The following BAHCC1 variants were observed in gnomAD, a reference collection of about 807,000 sequenced individuals.
BAHCC1 encodes BAH and coiled-coil domain-containing protein 1.
A neutral mutation model predicts 88.2 loss-of-function variants in BAHCC1; 43 were observed. The ratio of observed to expected loss-of-function variants is 0.49; its 90% CI spans 0.38 to 0.63. The LOEUF is 0.63. Ranked by LOEUF, BAHCC1 falls within the 20% of genes least tolerant of loss-of-function variation. The pLI, the probability that BAHCC1 is intolerant of heterozygous loss-of-function variation, is 0.00. For synonymous variants in BAHCC1, 1,510 were observed against 745.5 expected, an observed-to-expected ratio of 2.03 and a Z score of -16.71; for missense variants, 3,023 against 1,654.8, an observed-to-expected ratio of 1.83 and a Z score of -14.34.
intron 23 of BAHCC1, among the ~76,000 whole-genome samples, chr17:81,459,968 T>A (rs1412525551): frequency 6.6e-6 from 1 of 152,018 alleles, no homozygotes; most frequent in African/African-American, 2.4e-5. Context: ...CACAGGCAAG[T>A]GGCCAGGTGG....
At chr17:81,449,464 C>T (rs1555655306) in intron 11 of BAHCC1, among the ~76,000 whole-genome samples, 1 of 152,210 alleles carries the variant, frequency 6.6e-6, no homozygotes, top group African/African-American at 2.4e-5. Flanking sequence ...AAAGCCCCCA[C>T]CATCGGGGCC....
At chr17:81,439,881 C>A (rs1555652237) in intron 4 of BAHCC1, among the ~76,000 whole-genome samples, 1 of 152,126 alleles carries the variant, frequency 6.6e-6, no homozygotes, top group Non-Finnish European at 1.5e-5. Flanking sequence ...GTCTGCCCAC[C>A]CTCTCTTGGC....
rs1555659133 is a variant in BAHCC1 at position 81,461,100 on chromosome 17, C to T, written c.6437C>T (p.Thr2146Ile). 3 of 767,724 alleles carry T rather than the reference C, an allele frequency of 3.9e-6. No individual in the cohort carries two copies. Among genetic ancestry groups the T allele is most frequent in the Non-Finnish European group, 7.2e-6 (3 of 416,966 alleles). The allele number at this position is 767,724 out of a possible 1,614,324, so 47.6% of individuals were successfully genotyped here. A position where few individuals can be genotyped will look rare whatever the true frequency, so the allele number is the denominator to read the frequency against. Residue 2146 changes from threonine to isoleucine, a missense_variant, in exon 26 of 28, where the codon ACA becomes ATA. Thr to Ile is a moderately conservative substitution (Grantham distance 89, BLOSUM62 -1). Coordinates refer to ENST00000675386, the MANE Select transcript of BAHCC1 (RefSeq NM_001377448.1). ...CTGTTCCCCGTGCACAGCGTGGCCA[C>T]ACCCATATTTGGCAACGGCTTCCGC... Reference protein sequence around the residue: ...EALFPVHSVATPIFGNGFRAD... With the variant: ...EALFPVHSVAIPIFGNGFRAD...
In BAHCC1 at chr17:81,441,966, G is replaced by T; in HGVS notation, c.617G>T (p.Gly206Val). The T allele has an allele frequency of 1.3e-6, 1 of 752,082 alleles. No homozygotes were observed. The highest frequency in any genetic ancestry group is 1.7e-5 in the Admixed American group (1 of 57,426). The allele number at this position is 752,082 out of a possible 1,614,324, so 46.6% of individuals were successfully genotyped here. Residue 206 changes from glycine (G) to valine (V), a missense_variant, in exon 5 of 28, where the codon GGC becomes GTC. Physicochemically the swap from Gly to Val is moderately radical, Grantham distance 109 (BLOSUM62 -3). Coordinates refer to ENST00000675386, the MANE Select transcript of BAHCC1 (RefSeq NM_001377448.1). ...CGGGATCGAGACCGGGGTGAGGCAG[G>T]CTCCCTGCAGAAGGGCCCCAAGGAC... ...CSRDRDRGEAGSLQKGPKDFD... is the reference protein window; with the variant it reads ...CSRDRDRGEAVSLQKGPKDFD...
intron 3 of BAHCC1, among the ~76,000 whole-genome samples, chr17:81,428,312 A>G (rs1365402405): frequency 6.6e-6 from 1 of 152,186 alleles, no homozygotes; most frequent in African/African-American, 2.4e-5. Flanking sequence ...GGCCAGCCAC[A>G]GCATCTGGCT....
At chr17:81,412,377 G>A (rs1181058141) in intron 2 of BAHCC1, among the ~76,000 whole-genome samples, 4 of 152,262 alleles carry the variant, frequency 2.6e-5, no homozygotes, top group Non-Finnish European at 5.9e-5. Flanking sequence ...AGCCCTTAGT[G>A]TGTGTAAATA....
At chr17:81,420,549 TG>T (rs1186824567) in intron 2 of BAHCC1, among the ~76,000 whole-genome samples, 18 of 152,338 alleles carry the variant, frequency 1.2e-4, no homozygotes, top group African/African-American at 4.1e-4. Flanking sequence ...CTGAGCCACC[TG>T]GGGGTGGCCA....
Position 81,457,429 on chromosome 17 carries a change from G to C in BAHCC1, c.4878G>C (p.Glu1626Asp), listed in dbSNP as rs2064769642. 2 of 771,498 alleles carry C rather than the reference G, an allele frequency of 2.6e-6. No individual in the cohort carries two copies. Among genetic ancestry groups the C allele is most frequent in the East Asian group, 4.9e-5 (2 of 40,956 alleles). 47.8% of individuals were successfully genotyped at this position (771,498 alleles called of 1,614,324 possible). A position where few individuals can be genotyped will look rare whatever the true frequency, so the allele number is the denominator to read the frequency against. Residue 1626 changes from glutamate to aspartate, a missense_variant, in exon 17 of 28, where the codon GAG (glutamate) becomes GAC (aspartate). Glu to Asp is a conservative substitution (Grantham distance 45). Coordinates refer to ENST00000675386, the MANE Select transcript of BAHCC1 (RefSeq NM_001377448.1). ...SQEAGSGYDSEDCEGLLGTEA... is the reference protein window; with the variant it reads ...SQEAGSGYDSDDCEGLLGTEA... ...TCCCAGGCAGTGGCTATGACAGTGA[G>C]GACTGCGAGGGTCTCCTGGGGACAG...
chr17:81,441,587 G>A (rs372890888), intron 4 of BAHCC1, among the ~76,000 whole-genome samples: 14 of 151,582 alleles, frequency 9.2e-5, no homozygotes, highest in South Asian at 6.2e-4. Context: ...GCGTGAACCC[G>A]GGAGGTGGAG....
Position 81,460,599 on chromosome 17 carries a change from C to A in BAHCC1, c.6095C>A (p.Ala2032Glu). 1.3e-6 allele frequency: 1 copy of A among 769,490 alleles called. No homozygotes were observed. The highest frequency in any genetic ancestry group is 2.4e-6 in the Non-Finnish European group (1 of 413,346). The allele number at this position is 769,490 out of a possible 1,614,324, so 47.7% of individuals were successfully genotyped here. The change falls in exon 25 of 28, where the codon GCA becomes GAA. Residue 2032 changes from alanine (A) to glutamate (E), a missense_variant. Physicochemically the swap from Ala to Glu is moderately radical, Grantham distance 107. Coordinates refer to ENST00000675386, the MANE Select transcript of BAHCC1 (RefSeq NM_001377448.1). The part of the protein sequence containing the change: ...CRRTKKVSSE[A>E]PPPSEAATPS... ...AGGACCAAGAAGGTATCCAGTGAGG[C>A]ACCCCCGCCTAGTGAAGCCGCCACC... is the stretch of plus-strand genomic sequence containing the variant.
chr17:81,441,469 T>C (rs375041298), intron 4 of BAHCC1, among the ~76,000 whole-genome samples: 3 of 152,154 alleles, frequency 2.0e-5, no homozygotes, highest in Admixed American at 2.0e-4. Flanking sequence ...GAGACCATCC[T>C]GGCTAACATG....
At chr17:81,438,952 C>T (rs993578553) in intron 4 of BAHCC1, among the ~76,000 whole-genome samples, 1 of 152,146 alleles carries the variant, frequency 6.6e-6, no homozygotes, top group Non-Finnish European at 1.5e-5. Context: ...CTGGGCTGCA[C>T]GAGGCCCAGC....
At position 81,456,427 on chromosome 17, in the gene BAHCC1, A is replaced by G; in HGVS notation, c.4700A>G (p.Lys1567Arg). The change falls in exon 16 of 28, where the codon AAG (lysine) becomes AGG (arginine). Residue 1567 changes from lysine (K) to arginine (R), a missense_variant. Coordinates refer to ENST00000675386, the MANE Select transcript of BAHCC1 (RefSeq NM_001377448.1). ...ACAGGCCTCAGCTCTTTCCAGCAGA[A>G]GGAGGCTACCCCCGGGGGGCGCATC... Reference protein sequence around the residue: ...LPTGLSSFQQKEATPGGRIRE... With the variant: ...LPTGLSSFQQREATPGGRIRE... 1 of 722,966 alleles carries G rather than the reference A, an allele frequency of 1.4e-6. No individual in the cohort carries two copies. Among genetic ancestry groups the G allele is most frequent in the Non-Finnish European group, 2.6e-6 (1 of 388,468 alleles). The allele number at this position is 722,966 out of a possible 1,614,324, so 44.8% of individuals were successfully genotyped here. A position where few individuals can be genotyped will look rare whatever the true frequency, so the allele number is the denominator to read the frequency against.
intron 3 of BAHCC1, among the ~76,000 whole-genome samples, chr17:81,427,778 C>T (rs1040633355): frequency 6.6e-5 from 10 of 152,182 alleles, no homozygotes; most frequent in African/African-American, 2.4e-4. Context: ...TGGCAGCGGG[C>T]ACACAGGGCT....
chr17:81,446,669 C>T (rs1025414011), intron 10 of BAHCC1: 2 of 399,940 alleles, frequency 5.0e-6, no homozygotes, highest in African/African-American at 2.0e-5. Flanking sequence ...CCACCTCAGC[C>T]TCCTGTGTAG....
rs1350268090 is a variant in BAHCC1 at position 81,443,850 on chromosome 17, G to T, written c.2257G>T (p.Ala753Ser). The change falls in exon 6 of 28, where the codon GCT becomes TCT. Residue 753 changes from alanine (A) to serine (S), a missense_variant. Ala to Ser is a moderately conservative substitution (Grantham distance 99). Transcript: ENST00000675386. ...PRSTHALDLE[A>S]EEERTRLCDD... ...TTCCACACACGCGCTGGACCTGGAG[G>T]CTGAGGAGGAGAGGACGAGGCTATG... 3 of 714,228 alleles carry T rather than the reference G, an allele frequency of 4.2e-6. No homozygotes were observed. The highest frequency in any genetic ancestry group is 5.4e-5 in the East Asian group (2 of 37,304). The allele number at this position is 714,228 out of a possible 1,614,324, so 44.2% of individuals were successfully genotyped here.
At chr17:81,441,088 G>A (rs1279802349) in intron 4 of BAHCC1, among the ~76,000 whole-genome samples, 6 of 152,068 alleles carry the variant, frequency 3.9e-5, no homozygotes, top group Admixed American at 3.9e-4. Flanking sequence ...TCCACTGCCT[G>A]CCCCGCGTCC....
At chr17:81,429,909 C>T (rs2064241081) in intron 3 of BAHCC1, among the ~76,000 whole-genome samples, 1 of 152,228 alleles carries the variant, frequency 6.6e-6, no homozygotes, top group East Asian at 1.9e-4. Flanking sequence ...GCCAGGGCTT[C>T]CTGCTTCCCC....
intron 17 of BAHCC1, 90 bp from the exon 18 acceptor site, chr17:81,458,075 G>C (rs1241116273): frequency 1.6e-5 from 11 of 678,002 alleles, no homozygotes; most frequent in Non-Finnish European, 3.0e-5. Flanking sequence ...GGGTTGCTAG[G>C]TAACCAGGAG....
Sources: gnomAD v4.1 joint callset for allele counts (sites outside exome capture counted in the v4.1 genomes callset) on GRCh38, gnomAD v4.1.1 for gene constraint, MANE v1.5 for transcripts, NCBI Gene and HGNC (gene_info 2026-07-23, HGNC 2026-07-21) for gene names.